RBMS1: variants seen among roughly 807,000 people sequenced by gnomAD.
RBMS1 encodes the protein RNA-binding motif, single-stranded-interacting protein 1.
RBMS1 carries 17 observed loss-of-function variants against 62.3 expected under a neutral mutation model. That is an observed-to-expected ratio of 0.27 (90% CI 0.19 to 0.41). The LOEUF is 0.41. Among genes scored for constraint, RBMS1 ranks in the 10% least tolerant of loss-of-function variants. The probability of loss-of-function intolerance (pLI) is 1.00; values close to 1 mark genes in which losing one functional copy is unlikely to be tolerated. For missense variants in RBMS1, 334 were observed against 504.5 expected, an observed-to-expected ratio of 0.66 and a Z score of 3.24; for synonymous variants, 172 against 170.0, an observed-to-expected ratio of 1.01 and a Z score of -0.09.
chr2:160,299,413 C>T (rs1338432385), intron 6 of RBMS1, among the ~76,000 whole-genome samples: 1 of 152,126 alleles, frequency 6.6e-6, no homozygotes, highest in African/African-American at 2.4e-5. Flanking sequence ...AGTTTTGTTC[C>T]TAGTGTTACT....
In RBMS1 at chr2:160,493,648, C is replaced by G; in HGVS notation, c.-285G>C. The G allele has an allele frequency of 2.0e-6, 1 of 506,222 alleles. No individual in the cohort carries two copies. Among genetic ancestry groups the G allele is most frequent in the Non-Finnish European group, 3.6e-6 (1 of 280,250 alleles). The allele number at this position is 506,222 out of a possible 1,614,324, so 31.4% of individuals were successfully genotyped here. A position where few individuals can be genotyped will look rare whatever the true frequency, so the allele number is the denominator to read the frequency against. On this transcript the variant is annotated 5_prime_UTR_variant, in exon 1 of 14. Transcript: ENST00000348849. ...AGAGGGCACCCCGGACAGGGCGCTCCCAAGGAGTTTCCTCCCGGAGCCCGA... is the reference window on the plus strand; with the variant it reads ...AGAGGGCACCCCGGACAGGGCGCTCGCAAGGAGTTTCCTCCCGGAGCCCGA...
rs111696109 is a variant in RBMS1, at chr2:160,291,195, G to A, written c.641-4111C>T. Among the ~76,000 whole-genome samples the A allele has an allele frequency of 3.7e-3, 568 of 152,270 alleles. 2 individuals carry two copies. The highest frequency in any genetic ancestry group is 0.013 in the African/African-American group (535 of 41,554). On this transcript the variant is annotated intron_variant, in intron 6 of 13. Coordinates refer to ENST00000348849, the MANE Select transcript of RBMS1 (RefSeq NM_016836.4). ...GCAGGTTCTAACGAAGGTCTTCTCC[G>A]TGCTTTTCCCTGTCAGATGCTGACA...
chr2:160,313,935 C>T (rs1690072287), intron 3 of RBMS1, among the ~76,000 whole-genome samples: 1 of 152,086 alleles, frequency 6.6e-6, no homozygotes, highest in Non-Finnish European at 1.5e-5. Context: ...ACATAACCTC[C>T]TTAGAGATGC....
chr2:160,337,558 C>T (rs1573887379), intron 2 of RBMS1, among the ~76,000 whole-genome samples: 2 of 152,124 alleles, frequency 1.3e-5, no homozygotes, highest in African/African-American at 4.8e-5. Flanking sequence ...TTTGAATGAG[C>T]TTTAATCATA....
intron 2 of RBMS1, among the ~76,000 whole-genome samples, chr2:160,327,147 A>T (rs1559387222): frequency 6.6e-6 from 1 of 152,236 alleles, no homozygotes; most frequent in African/African-American, 2.4e-5. Context: ...GAGAAGATAC[A>T]GACATCTACA....
At chr2:160,456,856 A>C (rs950861442) in intron 1 of RBMS1, among the ~76,000 whole-genome samples, 9 of 151,870 alleles carry the variant, frequency 5.9e-5, no homozygotes, top group Non-Finnish European at 1.0e-4. Context: ...TCAATTCAAT[A>C]CATTTTTCAC....
chr2:160,408,358 C>G (rs1695882048), intron 1 of RBMS1, among the ~76,000 whole-genome samples: 1 of 152,068 alleles, frequency 6.6e-6, no homozygotes, highest in Non-Finnish European at 1.5e-5. Flanking sequence ...CCTACTTCAA[C>G]GAACACACGA....
intron 1 of RBMS1, among the ~76,000 whole-genome samples, chr2:160,450,970 C>A (rs1683958351): frequency 6.6e-6 from 1 of 152,018 alleles, no homozygotes. Flanking sequence ...GCGAGGGCAA[C>A]ATAGTGAGAC....
intron 1 of RBMS1, among the ~76,000 whole-genome samples, chr2:160,392,423 C>T (rs1694911773): frequency 6.6e-6 from 1 of 151,704 alleles, no homozygotes; most frequent in South Asian, 2.1e-4. Flanking sequence ...GACCTTATGG[C>T]CTACAAAGCT....
chr2:160,307,835 C>A (rs1301061284), intron 4 of RBMS1, among the ~76,000 whole-genome samples: 1 of 152,182 alleles, frequency 6.6e-6, no homozygotes, highest in Non-Finnish European at 1.5e-5. Flanking sequence ...GAATAAAAAC[C>A]AACCACTGGT....
At chr2:160,387,836 A>G (rs980792325) in intron 1 of RBMS1, among the ~76,000 whole-genome samples, 2 of 152,080 alleles carry the variant, frequency 1.3e-5, no homozygotes, top group African/African-American at 4.8e-5. Context: ...CAGGAAAAAA[A>G]AAAAGAAAAG....
chr2:160,377,824 G>T (rs1050404436), intron 1 of RBMS1, among the ~76,000 whole-genome samples: 3 of 152,176 alleles, frequency 2.0e-5, no homozygotes, highest in African/African-American at 7.2e-5. Context: ...GGAAACCTGA[G>T]GCCAGGAGAA....
intron 1 of RBMS1, among the ~76,000 whole-genome samples, chr2:160,422,991 A>T (rs1016966161): frequency 2.6e-5 from 4 of 152,188 alleles, no homozygotes; most frequent in Non-Finnish European, 5.9e-5. Flanking sequence ...TTCATTATTT[A>T]CATGAAATTC....
At chr2:160,287,109 T>G in intron 6 of RBMS1, 25 bp from the exon 7 acceptor site, 1 of 1,612,742 alleles carries the variant, frequency 6.2e-7, no homozygotes, top group Non-Finnish European at 8.5e-7. Context: ...AAAAATAAAA[T>G]GAAACCACAA....
At chr2:160,359,096 C>G (rs536806599) in intron 2 of RBMS1, among the ~76,000 whole-genome samples, 3 of 152,110 alleles carry the variant, frequency 2.0e-5, no homozygotes, top group Non-Finnish European at 4.4e-5. Flanking sequence ...TACACCATAA[C>G]CACTATCACC....
chr2:160,406,878 A>T lies in RBMS1; in HGVS notation c.76-39487T>A, dbSNP rs1484406324. Among the ~76,000 whole-genome samples, 4 of 152,246 alleles carry T rather than the reference A, an allele frequency of 2.6e-5. No individual in the cohort carries two copies. In the East Asian group the frequency reaches 7.7e-4, roughly 29 times the overall value. On this transcript the variant is annotated intron_variant, in intron 1 of 13. Transcript: ENST00000348849. The stretch of plus-strand genomic sequence containing the variant: ...AAGAGCATGTGTATGACTCAGGCAT[A>T]TCCAAGTATCTTCTGCAACTAGGAT...
intron 2 of RBMS1, among the ~76,000 whole-genome samples, chr2:160,322,215 G>C (rs541720765): frequency 6.6e-6 from 1 of 152,274 alleles, no homozygotes; most frequent in East Asian, 1.9e-4. Flanking sequence ...CAAGTTTTGA[G>C]CATTACACCT....
At chr2:160,448,709 C>T (rs1240595921) in intron 1 of RBMS1, among the ~76,000 whole-genome samples, 1 of 152,294 alleles carries the variant, frequency 6.6e-6, no homozygotes, top group Non-Finnish European at 1.5e-5. Context: ...CTCTGCCCGG[C>T]CGCCAACCCG....
intron 1 of RBMS1, among the ~76,000 whole-genome samples, chr2:160,467,099 G>C (rs1417878604): frequency 1.3e-5 from 2 of 151,916 alleles, no homozygotes. Flanking sequence ...TGGAAGGAGA[G>C]AAATGCATAG....
Sources: allele counts gnomAD v4.1 joint callset (sites outside exome capture counted in the v4.1 genomes callset), GRCh38; gene constraint gnomAD v4.1.1; transcripts MANE v1.5; gene names NCBI Gene and HGNC (gene_info 2026-07-23, HGNC 2026-07-21).